The following CTNND2 variants were observed in gnomAD, a reference collection of about 807,000 sequenced individuals.
CTNND2 encodes catenin delta-2.
A neutral mutation model predicts 144.4 loss-of-function variants in CTNND2; 22 were observed. The observed-to-expected ratio is 0.15, with a 90% CI of 0.11 to 0.22. The LOEUF is 0.22. Among genes scored for constraint, CTNND2 ranks in the 10% least tolerant of loss-of-function variants. The probability of loss-of-function intolerance (pLI) is 1.00; values close to 1 mark genes in which losing one functional copy is unlikely to be tolerated. For synonymous variants in CTNND2, 751 were observed against 695.6 expected (o/e 1.08, Z -1.25); for missense variants, 1,353 against 1,618.8 (o/e 0.84, Z 2.82).
chr5:11,321,585 T>C (rs1752036794), intron 9 of CTNND2, among the ~76,000 whole-genome samples: 1 of 152,094 alleles, frequency 6.6e-6, no homozygotes, highest in African/African-American at 2.4e-5. Context: ...ATTAAAAATG[T>C]GAAGTAGGGA....
rs56310600 is a variant in CTNND2, at chr5:11,865,902, C to CAAAAAAAAAAAAAAAAA, written c.37+37914_37+37915insTTTTTTTTTTTTTTTTT. Among the ~76,000 whole-genome samples, 155 of 87,426 alleles carry CAAAAAAAAAAAAAAAAA rather than the reference C, an allele frequency of 1.8e-3. 12 individuals carry two copies. The highest frequency in any genetic ancestry group is 5.2e-3 in the African/African-American group (131 of 25,056). The allele number at this position is 87,426 out of a possible 152,430, so 57.4% of individuals were successfully genotyped here. A position where few individuals can be genotyped will look rare whatever the true frequency, so the allele number is the denominator to read the frequency against. ...GGCAACCTTTAGAAGCTGGAAGAGA[C>CAAAAAAAAAAAAAAAAA]AAAAAAAAAAAAACGAGTTCTCCTC... On this transcript the variant is annotated intron_variant, in intron 1 of 21. Transcript: ENST00000304623.
At chr5:11,789,730 T>G (rs571582760) in intron 1 of CTNND2, among the ~76,000 whole-genome samples, 1 of 152,166 alleles carries the variant, frequency 6.6e-6, no homozygotes, top group Non-Finnish European at 1.5e-5. Flanking sequence ...ATATTTAGAA[T>G]TGCCTAGTAT....
chr5:11,749,433 G>A (rs890227981), intron 1 of CTNND2, among the ~76,000 whole-genome samples: 1 of 151,956 alleles, frequency 6.6e-6, no homozygotes, highest in Non-Finnish European at 1.5e-5. Flanking sequence ...CACATGGAAG[G>A]AGTCAGAAAA....
In CTNND2 at chr5:11,259,427, T is replaced by G. The variant is rs575228304; in HGVS notation, c.1629-22604A>C. 1.2e-4 allele frequency among the ~76,000 whole-genome samples: 19 copies of G among 152,286 alleles called. No individual in the cohort carries two copies. The South Asian group carries it at 3.7e-3, about 30-fold the overall frequency. On this transcript the variant is annotated intron_variant, in intron 9 of 21. Coordinates refer to ENST00000304623, the MANE Select transcript of CTNND2 (RefSeq NM_001332.4). ...CCAGTTGACAGCAGTTTCACCTGCC[T>G]GCACCAGATTGTGCCATCCTGGACA...
At chr5:11,644,673 C>CAAA (rs202244691) in intron 2 of CTNND2, among the ~76,000 whole-genome samples, 18 of 114,288 alleles carry the variant, frequency 1.6e-4, no homozygotes, top group African/African-American at 5.7e-4. Context: ...GACTCCATCT[C>CAAA]AAAAAAAAAA....
chr5:11,156,490 A>G (rs1297199271), intron 12 of CTNND2, among the ~76,000 whole-genome samples: 1 of 152,222 alleles, frequency 6.6e-6, no homozygotes, highest in East Asian at 1.9e-4. Flanking sequence ...ATAGTATTCT[A>G]GGAAAAGAGT....
chr5:11,848,478 G>A (rs189049708), intron 1 of CTNND2, among the ~76,000 whole-genome samples: 172 of 152,252 alleles, frequency 1.1e-3, no homozygotes, highest in African/African-American at 3.6e-3. Context: ...TACCCATAAC[G>A]TGAATTTGGG....
At chr5:11,793,583 G>C (rs983423317) in intron 1 of CTNND2, among the ~76,000 whole-genome samples, 1 of 152,200 alleles carries the variant, frequency 6.6e-6, no homozygotes, top group Non-Finnish European at 1.5e-5. Context: ...AACGCCATGG[G>C]AACACTGGAG....
intron 4 of CTNND2, 44 bp from the exon 5 acceptor site, chr5:11,411,696 T>C (rs1184165303): frequency 8.7e-7 from 1 of 1,155,938 alleles, no homozygotes; most frequent in East Asian, 2.4e-5. Flanking sequence ...ACATGGTATA[T>C]TATTCTTAAA....
chr5:11,602,066 C>T (rs1437428942), intron 2 of CTNND2, among the ~76,000 whole-genome samples: 4 of 151,868 alleles, frequency 2.6e-5, no homozygotes, highest in Non-Finnish European at 5.9e-5. Context: ...AATTAAGTTC[C>T]CTTAATAATA....
At chr5:11,754,953 T>G (rs4235609) in intron 1 of CTNND2, among the ~76,000 whole-genome samples, 132,695 of 151,640 alleles carry the variant, frequency 0.88, 60,286 homozygotes, top group Non-Finnish European at 0.99. Flanking sequence ...ATGTTACTAT[T>G]GATATGTACA....
At chr5:11,407,473 G>A (rs1249039005) in intron 5 of CTNND2, among the ~76,000 whole-genome samples, 5 of 152,178 alleles carry the variant, frequency 3.3e-5, no homozygotes, top group Admixed American at 2.6e-4. Context: ...AGCAGTTACT[G>A]CTTGTCTTGA....
intron 1 of CTNND2, among the ~76,000 whole-genome samples, chr5:11,802,350 C>T (rs377624673): frequency 1.1e-4 from 16 of 151,824 alleles, no homozygotes; most frequent in African/African-American, 3.9e-4. Context: ...GGAGGATCAC[C>T]TGAGGTCAGG....
chr5:11,214,345 G>A (rs1165794985), intron 10 of CTNND2, among the ~76,000 whole-genome samples: 1 of 152,048 alleles, frequency 6.6e-6, no homozygotes. Context: ...AAAGAATACA[G>A]GCTATATAAA....
chr5:10,992,297 G>GAA (rs1561135309), intron 19 of CTNND2, among the ~76,000 whole-genome samples: 10 of 152,172 alleles, frequency 6.6e-5, no homozygotes, highest in African/African-American at 2.4e-4. Context: ...CTTTATACTC[G>GAA]TTCCTCCTGA....
chr5:11,476,034 ATT>A (rs376732931), intron 3 of CTNND2, among the ~76,000 whole-genome samples: 13 of 132,294 alleles, frequency 9.8e-5, no homozygotes, highest in African/African-American at 2.5e-4. Flanking sequence ...TAATTTTTCT[ATT>A]TTTTTTTTTT....
rs111975338 is a variant in CTNND2 at position 11,895,852 on chromosome 5, T to A, written c.37+7965A>T. Among the ~76,000 whole-genome samples the A allele has an allele frequency of 7.5e-3, 1,148 of 152,186 alleles. 10 individuals carry two copies. The highest frequency in any genetic ancestry group is 0.026 in the African/African-American group (1,092 of 41,538). ...GTAGACACCAACAAATTAGAAAATA[T>A]TTAACCTCAGGAATATTAATAGAGA... On this transcript the variant is annotated intron_variant, in intron 1 of 21. Transcript: ENST00000304623.
At chr5:11,497,758 A>G (rs949468585) in intron 3 of CTNND2, among the ~76,000 whole-genome samples, 3 of 152,132 alleles carry the variant, frequency 2.0e-5, no homozygotes, top group African/African-American at 7.2e-5. Context: ...AATTAAGAAG[A>G]TAATTATATG....
intron 10 of CTNND2, among the ~76,000 whole-genome samples, chr5:11,207,407 T>C (rs1738163542): frequency 6.6e-6 from 1 of 151,946 alleles, no homozygotes; most frequent in African/African-American, 2.4e-5. Context: ...AAAGAATACA[T>C]TCAAGGCCTC....
Sources: allele counts gnomAD v4.1 joint callset (sites outside exome capture counted in the v4.1 genomes callset), GRCh38; gene constraint gnomAD v4.1.1; transcripts MANE v1.5; gene names NCBI Gene and HGNC (gene_info 2026-07-23, HGNC 2026-07-21).